Variants in FARS2 observed in about 807,000 individuals in gnomAD.
FARS2 encodes the protein phenylalanyl-tRNA synthetase 2, mitochondrial.
FARS2 carries 40 observed loss-of-function variants against 46.4 expected under a neutral mutation model. The observed-to-expected ratio is 0.86, with a 90% CI of 0.67 to 1.12. The LOEUF is 1.12. Among genes scored for constraint, FARS2 ranks in the 50% most tolerant of loss-of-function variants. The pLI, the probability that FARS2 is intolerant of heterozygous loss-of-function variation, is 0.00. For missense variants in FARS2, 513 were observed against 567.9 expected (o/e 0.90, Z 0.98); for synonymous variants, 234 against 214.9 (o/e 1.09, Z -0.78).
chr6:5,313,970 A>G (rs2127552792), intron 1 of FARS2, among the ~76,000 whole-genome samples: 1 of 152,308 alleles, frequency 6.6e-6, no homozygotes, highest in South Asian at 2.1e-4. Flanking sequence ...GGGAATTAGA[A>G]AAGTTTCTCA....
At chr6:5,537,576 AGTTGGAGATGT>A (rs1770294758) in intron 4 of FARS2, among the ~76,000 whole-genome samples, 1 of 140,660 alleles carries the variant, frequency 7.1e-6, no homozygotes, top group African/African-American at 2.8e-5. Context: ...CTTCCTCTCG[AGTTGGAGATGT>A]CCCGGGCTTC....
At chr6:5,563,088 A>G (rs112139781) in intron 5 of FARS2, among the ~76,000 whole-genome samples, 85 of 84,850 alleles carry the variant, frequency 1.0e-3, no homozygotes, top group South Asian at 4.7e-3. Context: ...AGACAGAGGG[A>G]GGGGGGCTCC....
At chr6:5,426,567 A>T (rs2127760140) in intron 3 of FARS2, among the ~76,000 whole-genome samples, 1 of 152,360 alleles carries the variant, frequency 6.6e-6, no homozygotes. Context: ...GTATTCAAGA[A>T]ATAATTTCAC....
intron 5 of FARS2, 103 bp from the exon 6 acceptor site, chr6:5,613,066 T>C (rs1775273335): frequency 2.3e-6 from 2 of 886,368 alleles, no homozygotes; most frequent in African/African-American, 3.4e-5. Flanking sequence ...AATGATGTTT[T>C]ACTAGCATTT....
At chr6:5,663,945 C>T (rs1311825321) in intron 6 of FARS2, among the ~76,000 whole-genome samples, 1 of 152,128 alleles carries the variant, frequency 6.6e-6, no homozygotes, top group Non-Finnish European at 1.5e-5. Flanking sequence ...TGGCCAGGGC[C>T]ATGGACTGCA....
At chr6:5,253,491 A>C in the FARS2 span, among the ~76,000 whole-genome samples, 1 of 152,170 alleles carries the variant, frequency 6.6e-6, no homozygotes, top group African/African-American at 2.4e-5. Flanking sequence ...AATGTTAGAC[A>C]AAAAGTAAAT....
At chr6:5,713,314 T>G (rs772187173) in intron 6 of FARS2, among the ~76,000 whole-genome samples, 13 of 152,234 alleles carry the variant, frequency 8.5e-5, no homozygotes, top group Non-Finnish European at 1.8e-4. Context: ...CAGTTCTATT[T>G]CAATTTCCAA....
At chr6:5,499,945 C>T (rs1293681239) in intron 4 of FARS2, among the ~76,000 whole-genome samples, 3 of 152,296 alleles carry the variant, frequency 2.0e-5, no homozygotes, top group Admixed American at 2.0e-4. Flanking sequence ...TCAATGCCTT[C>T]TTTCTTCTCT....
chr6:5,598,546 A>G (rs766551077), intron 5 of FARS2, among the ~76,000 whole-genome samples: 5 of 152,228 alleles, frequency 3.3e-5, no homozygotes, highest in Non-Finnish European at 7.3e-5. Flanking sequence ...GAAGTAATCA[A>G]CTCAGCATAA....
At chr6:5,318,556 T>C (rs1162205277) in intron 1 of FARS2, among the ~76,000 whole-genome samples, 1 of 152,084 alleles carries the variant, frequency 6.6e-6, no homozygotes, top group East Asian at 1.9e-4. Context: ...ATTCTTGGCA[T>C]CTTAAAAGAG....
chr6:5,689,257 C>T (rs1373704958), intron 6 of FARS2, among the ~76,000 whole-genome samples: 1 of 152,264 alleles, frequency 6.6e-6, no homozygotes, highest in African/African-American at 2.4e-5. Flanking sequence ...AATGTGTTTG[C>T]TCTTGCTTCT....
At chr6:5,519,633 A>G (rs1231919364) in intron 4 of FARS2, among the ~76,000 whole-genome samples, 1 of 152,200 alleles carries the variant, frequency 6.6e-6, no homozygotes, top group Non-Finnish European at 1.5e-5. Flanking sequence ...CTAATAAAAG[A>G]GCAGTTCTGT....
chr6:5,370,763 A>G (rs1307031091), intron 2 of FARS2, among the ~76,000 whole-genome samples: 3 of 152,132 alleles, frequency 2.0e-5, no homozygotes. Flanking sequence ...ATTAGCCTTC[A>G]CCTTGTTTCA....
intron 5 of FARS2, among the ~76,000 whole-genome samples, chr6:5,562,511 A>G (rs1214645997): frequency 6.6e-6 from 1 of 152,160 alleles, no homozygotes; most frequent in Non-Finnish European, 1.5e-5. Flanking sequence ...TCTCCTTAAC[A>G]TTCAGGTTTT....
At chr6:5,522,041 G>A (rs1769173125) in intron 4 of FARS2, among the ~76,000 whole-genome samples, 2 of 152,144 alleles carry the variant, frequency 1.3e-5, no homozygotes, top group Admixed American at 1.3e-4. Context: ...AGAATGTTAG[G>A]GCTGATTAAT....
At chr6:5,594,483 C>T (rs1478224750) in intron 5 of FARS2, among the ~76,000 whole-genome samples, 2 of 152,086 alleles carry the variant, frequency 1.3e-5, no homozygotes, top group Non-Finnish European at 2.9e-5. Flanking sequence ...AGAAACCATG[C>T]CATTTGTTTG....
chr6:5,516,430 A>G (rs2150414109), intron 4 of FARS2, among the ~76,000 whole-genome samples: 1 of 152,216 alleles, frequency 6.6e-6, no homozygotes, highest in East Asian at 1.9e-4. Flanking sequence ...TTGTAAATGG[A>G]TTTTAATTAT....
At chr6:5,262,093 CT>C (rs1483044892) in intron 1 of FARS2, among the ~76,000 whole-genome samples, 1 of 152,172 alleles carries the variant, frequency 6.6e-6, no homozygotes, top group East Asian at 1.9e-4. Flanking sequence ...AGAACCACAC[CT>C]TTCTGCACTC....
intron 5 of FARS2, among the ~76,000 whole-genome samples, chr6:5,562,970 A>ATTTTTGTT (rs1772095362): frequency 6.6e-6 from 1 of 151,824 alleles, no homozygotes; most frequent in African/African-American, 2.4e-5. Flanking sequence ...CGCCCAGCTA[A>ATTTTTGTT]TTTTTGTTTT....
Sources: allele counts gnomAD v4.1 joint callset (sites outside exome capture counted in the v4.1 genomes callset), GRCh38; gene constraint gnomAD v4.1.1; transcripts MANE v1.5; gene names NCBI Gene and HGNC (gene_info 2026-07-23, HGNC 2026-07-21).